Variants in PPARGC1A observed in about 807,000 individuals in gnomAD.
The protein encoded by PPARGC1A is peroxisome proliferator-activated receptor gamma coactivator 1-alpha.
A neutral mutation model predicts 88.7 loss-of-function variants in PPARGC1A; 25 were observed. The ratio of observed to expected loss-of-function variants is 0.28; its 90% CI spans 0.21 to 0.39. PPARGC1A has a LOEUF of 0.39. PPARGC1A is among the 10% of genes least tolerant of loss of function. PPARGC1A has a pLI of 1.00. For synonymous variants in PPARGC1A, 363 were observed against 355.6 expected (o/e 1.02, Z -0.24); for missense variants, 880 against 968.7 (o/e 0.91, Z 1.22).
the PPARGC1A span, among the ~76,000 whole-genome samples, chr4:24,130,108 C>A: frequency 8.5e-5 from 13 of 152,070 alleles, no homozygotes; most frequent in South Asian, 1.0e-3. Context: ...TGTAACTAAC[C>A]TGCACGTTGT....
At chr4:24,158,066 C>T in the PPARGC1A span, among the ~76,000 whole-genome samples, 1 of 151,360 alleles carries the variant, frequency 6.6e-6, no homozygotes, top group Non-Finnish European at 1.5e-5. Flanking sequence ...TCCTTCCCCC[C>T]TCCCTCCTAT....
At chr4:23,884,636 A>G (rs773258765) in intron 2 of PPARGC1A, 116 bp downstream of exon 2, 2 of 838,074 alleles carry the variant, frequency 2.4e-6, no homozygotes, top group Admixed American at 6.4e-5. Context: ...ACTGTGATGA[A>G]AAGTCTTTTG....
chr4:24,310,688 C>T, the PPARGC1A span, among the ~76,000 whole-genome samples: 3 of 152,128 alleles, frequency 2.0e-5, no homozygotes, highest in African/African-American at 7.2e-5. Context: ...CTGAGTTCAA[C>T]TGAGTTAATT....
chr4:24,349,399 T>G, the PPARGC1A span, among the ~76,000 whole-genome samples: 1 of 151,868 alleles, frequency 6.6e-6, no homozygotes, highest in Non-Finnish European at 1.5e-5. Flanking sequence ...GCTACCAGGG[T>G]GGATAGGGAA....
the PPARGC1A span, among the ~76,000 whole-genome samples, chr4:24,117,809 A>T: frequency 3.9e-5 from 6 of 152,076 alleles, no homozygotes; most frequent in African/African-American, 1.4e-4. Context: ...CGTTGGTTGG[A>T]TGATACTCAT....
intron 7 of PPARGC1A, among the ~76,000 whole-genome samples, chr4:23,822,277 C>G (rs886814229): frequency 6.6e-6 from 1 of 152,082 alleles, no homozygotes; most frequent in Admixed American, 6.6e-5. Flanking sequence ...GCTCCATCAA[C>G]ATCTTCTCTC....
rs150776232 is a variant in PPARGC1A, at chr4:23,809,467, T to C, written c.2019+3280A>G. 3.9e-5 allele frequency among the ~76,000 whole-genome samples: 6 copies of C among 152,302 alleles called. No individual in the cohort carries two copies. The East Asian group carries it at 1.2e-3, about 29-fold the overall frequency. The stretch of plus-strand genomic sequence containing the variant: ...CTCAGTGTTCCAATTAAACGACTAG[T>C]AGTTTCTCAATATACCTTATTCTTT... On this transcript the variant is annotated intron_variant, in intron 10 of 12. Coordinates refer to ENST00000264867, the MANE Select transcript of PPARGC1A (RefSeq NM_013261.5).
rs564864969 is a variant in PPARGC1A at position 23,793,889 on chromosome 4, C to G, written c.*1933G>C. 3 of 152,574 alleles carry G rather than the reference C, an allele frequency of 2.0e-5. No homozygotes were observed. Among genetic ancestry groups the G allele is most frequent in the African/African-American group, 7.2e-5 (3 of 41,556 alleles). The allele number at this position is 152,574 out of a possible 1,614,324, so 9.5% of individuals were successfully genotyped here. A position where few individuals can be genotyped will look rare whatever the true frequency, so the allele number is the denominator to read the frequency against. On this transcript the variant is annotated 3_prime_UTR_variant, in exon 13 of 13. Transcript: ENST00000264867. ...GTCATGCATCCTAGGTAGAAAATTT[C>G]CACTGGCTTTATTATTTTCATCATC... is the stretch of plus-strand genomic sequence containing the variant.
chr4:24,421,313 CTTT>C, the PPARGC1A span, among the ~76,000 whole-genome samples: 10 of 137,536 alleles, frequency 7.3e-5, no homozygotes, highest in Non-Finnish European at 7.7e-5. Context: ...GAACAGTTCA[CTTT>C]TTTTTTTTTT....
chr4:24,470,378 C>G, the PPARGC1A span, among the ~76,000 whole-genome samples: 1 of 151,654 alleles, frequency 6.6e-6, no homozygotes, highest in Non-Finnish European at 1.5e-5. This position sits in a 1 kb window ranked among gnomAD's most constrained non-coding sequence, Gnocchi z 5.8. Flanking sequence ...CTGGAGTTTG[C>G]GGAGCCGGAG....
the PPARGC1A span, among the ~76,000 whole-genome samples, chr4:24,209,525 T>C: frequency 6.6e-6 from 1 of 152,198 alleles, no homozygotes. Flanking sequence ...CCCCTCATAA[T>C]AAAGAATTAT....
the PPARGC1A span, among the ~76,000 whole-genome samples, chr4:24,307,962 C>A: frequency 6.6e-6 from 1 of 152,114 alleles, no homozygotes; most frequent in Middle Eastern, 3.2e-3. Flanking sequence ...TAACAAGGAG[C>A]ACAACTATAA....
At chr4:24,063,969 T>C in the PPARGC1A span, among the ~76,000 whole-genome samples, 3 of 152,152 alleles carry the variant, frequency 2.0e-5, no homozygotes, top group African/African-American at 7.2e-5. Context: ...TTCAACATGC[T>C]ACTCAGCAGG....
chr4:23,975,490 T>C, the PPARGC1A span, among the ~76,000 whole-genome samples: 1 of 152,070 alleles, frequency 6.6e-6, no homozygotes, highest in Non-Finnish European at 1.5e-5. Flanking sequence ...CAATCTCCAT[T>C]CACTGCAACC....
chr4:24,142,889 A>C, the PPARGC1A span, among the ~76,000 whole-genome samples: 51,523 of 150,660 alleles, frequency 0.34, 9,289 homozygotes, highest in African/African-American at 0.46. Flanking sequence ...TAAAACCTCT[A>C]TTTTAGGCCC....
chr4:24,361,910 G>A, the PPARGC1A span, among the ~76,000 whole-genome samples: 1 of 152,110 alleles, frequency 6.6e-6, no homozygotes, highest in Non-Finnish European at 1.5e-5. Context: ...AACCTAAACA[G>A]TCTCCTCAAA....
the PPARGC1A span, among the ~76,000 whole-genome samples, chr4:23,992,368 A>G: frequency 6.6e-6 from 1 of 151,624 alleles, no homozygotes. Flanking sequence ...TATTATTACT[A>G]TTCTGTTTTT....
the PPARGC1A span, among the ~76,000 whole-genome samples, chr4:24,027,230 T>TGTGTGTGTGTGTGTGTGC: frequency 3.9e-5 from 5 of 127,398 alleles, no homozygotes; most frequent in South Asian, 2.7e-4. Flanking sequence ...TGTGTGTCTG[T>TGTGTGTGTGTGTGTGTGC]GTGTGTCTGT....
At chr4:24,045,625 C>T in the PPARGC1A span, among the ~76,000 whole-genome samples, 7 of 152,258 alleles carry the variant, frequency 4.6e-5, no homozygotes, top group South Asian at 2.1e-4. Context: ...ACTTCTCCTC[C>T]GTGTGTCTGT....
Sources: gnomAD v4.1 joint callset for allele counts (sites outside exome capture counted in the v4.1 genomes callset) on GRCh38, gnomAD v4.1.1 for gene constraint, Gnocchi (gnomAD v3.1) non-coding constraint, MANE v1.5 for transcripts, NCBI Gene and HGNC (gene_info 2026-07-23, HGNC 2026-07-21) for gene names.